SAMD5: variants seen among roughly 807,000 people sequenced by gnomAD.
The protein encoded by SAMD5 is sterile alpha motif domain containing 5, also known as sterile alpha motif domain-containing protein 5.
In SAMD5, 13 loss-of-function variants were observed where a neutral mutation model predicts 11.3. The ratio of observed to expected loss-of-function variants is 1.15; its 90% CI spans 0.75 to 1.83. The LOEUF is 1.83. Ranked by LOEUF, SAMD5 falls within the 40% of genes most tolerant of loss-of-function variation. SAMD5 has a pLI of 0.00. For missense variants in SAMD5, 255 were observed against 239.1 expected (o/e 1.07, Z -0.44); for synonymous variants, 129 against 111.3 (o/e 1.16, Z -1.00).
At chr6:147,623,461 A>C (rs1283877952) in intron 1 of SAMD5, among the ~76,000 whole-genome samples, 1 of 152,274 alleles carries the variant, frequency 6.6e-6, no homozygotes, top group Non-Finnish European at 1.5e-5. Context: ...AACACATATT[A>C]CACTAACATT....
At chr6:147,698,866 A>G (rs2128457607) in intron 1 of SAMD5, among the ~76,000 whole-genome samples, 1 of 152,172 alleles carries the variant, frequency 6.6e-6, no homozygotes, top group African/African-American at 2.4e-5. Context: ...CTGAGAATGG[A>G]AGAACGGGGA....
Position 147,735,405 on chromosome 6 carries a change from C to T in SAMD5, c.163-1912C>T, listed in dbSNP as rs559710993. On this transcript the variant is annotated intron_variant, in intron 1 of 1. Transcript: ENST00000566741. ...GATGCCTGATTCCTATTACTGCTCA[C>T]TGTAATAGAACTATGGTAGTCTGAG... 3.9e-5 allele frequency among the ~76,000 whole-genome samples: 6 copies of T among 152,268 alleles called. No individual in the cohort carries two copies. The South Asian group carries it at 1.2e-3, about 32-fold the overall frequency.
In SAMD5 at chr6:147,564,415, G is replaced by A. The variant is rs1238342067; in HGVS notation, c.481G>A (p.Glu161Lys). 8 of 780,826 alleles carry A rather than the reference G, an allele frequency of 1.0e-5. No homozygotes were observed. Among genetic ancestry groups the A allele is most frequent in the African/African-American group, 1.7e-5 (1 of 59,118 alleles). The allele number at this position is 780,826 out of a possible 1,614,324, so 48.4% of individuals were successfully genotyped here. A position where few individuals can be genotyped will look rare whatever the true frequency, so the allele number is the denominator to read the frequency against. The change falls in exon 2 of 2, where the codon GAG becomes AAG. Residue 161 changes from glutamate to lysine, a missense_variant. Physicochemically the swap from Glu to Lys is moderately conservative, Grantham distance 56. Transcript: ENST00000367474. ...ACAGGTCCCAATGGCTGGCATCCTA[G>A]AGTACTTAATGAATTGGCCGAAGTC... ...SRKVPMAGIL[E>K]YLMNWPKSSQ...
the SAMD5 span, among the ~76,000 whole-genome samples, chr6:147,897,499 A>G: frequency 6.6e-6 from 1 of 152,282 alleles, no homozygotes; most frequent in East Asian, 1.9e-4. Flanking sequence ...AAGACTGGAA[A>G]TCATGGTGTG....
At chr6:147,790,381 C>G in the SAMD5 span, among the ~76,000 whole-genome samples, 1,330 of 152,306 alleles carry the variant, frequency 8.7e-3, 14 homozygotes, top group African/African-American at 0.029. Flanking sequence ...AAACCTCTCA[C>G]GTCTAAGTCC....
the SAMD5 span, among the ~76,000 whole-genome samples, chr6:147,776,767 A>G: frequency 6.6e-6 from 1 of 152,202 alleles, no homozygotes. Flanking sequence ...GAGAACAAAC[A>G]GTTTTTCAGA....
downstream of SAMD5, among the ~76,000 whole-genome samples, chr6:147,737,999 A>T (rs1344350433): frequency 6.6e-6 from 1 of 152,254 alleles, no homozygotes; most frequent in South Asian, 2.1e-4. Flanking sequence ...TTGAGATTTT[A>T]TTATTGTAAC....
At chr6:147,558,030 AAT>A (rs1208855067) in intron 1 of SAMD5, among the ~76,000 whole-genome samples, 3 of 152,192 alleles carry the variant, frequency 2.0e-5, no homozygotes, top group Non-Finnish European at 4.4e-5. Context: ...TCACTCAGTA[AAT>A]ATTAGCAGCC....
chr6:147,696,615 A>G (rs141989900), intron 1 of SAMD5, among the ~76,000 whole-genome samples: 482 of 152,284 alleles, frequency 3.2e-3, no homozygotes, highest in African/African-American at 0.011. Context: ...GGAACCTTCA[A>G]AGCCCTAATA....
intron 1 of SAMD5, among the ~76,000 whole-genome samples, chr6:147,704,006 C>T (rs1260790177): frequency 6.6e-6 from 1 of 152,172 alleles, no homozygotes; most frequent in Non-Finnish European, 1.5e-5. Flanking sequence ...CGCCATTCTC[C>T]TGCCTCAGCC....
At chr6:147,550,422 G>T (rs952567720) in intron 1 of SAMD5, among the ~76,000 whole-genome samples, 17 of 152,054 alleles carry the variant, frequency 1.1e-4, no homozygotes, top group Non-Finnish European at 1.9e-4. Context: ...CAAAGGAAAA[G>T]AAATTATTAT....
At chr6:147,941,033 C>T in the SAMD5 span, among the ~76,000 whole-genome samples, 2 of 152,022 alleles carry the variant, frequency 1.3e-5, no homozygotes, top group Admixed American at 6.5e-5. Context: ...AACAGATGCT[C>T]AGTCAACTAC....
At chr6:147,838,533 C>G in the SAMD5 span, among the ~76,000 whole-genome samples, 4 of 132,904 alleles carry the variant, frequency 3.0e-5, no homozygotes, top group South Asian at 1.1e-3. Context: ...AATATCCTGC[C>G]CCCCCCCCGT....
chr6:147,856,042 T>C, the SAMD5 span, among the ~76,000 whole-genome samples: 1 of 152,106 alleles, frequency 6.6e-6, no homozygotes, highest in African/African-American at 2.4e-5. Flanking sequence ...CATCAAGAGA[T>C]GAATACATGA....
chr6:147,915,902 T>TC, the SAMD5 span, among the ~76,000 whole-genome samples: 1 of 80,366 alleles, frequency 1.2e-5, no homozygotes, highest in Non-Finnish European at 2.4e-5. Flanking sequence ...CCCTCCCCCC[T>TC]CCCCCCACCC....
At chr6:147,747,981 A>G in the SAMD5 span, among the ~76,000 whole-genome samples, 1 of 152,182 alleles carries the variant, frequency 6.6e-6, no homozygotes, top group African/African-American at 2.4e-5. Flanking sequence ...GGTGGGAACA[A>G]TTCTGGCCCT....
At chr6:147,545,482 C>T (rs1446743387) in intron 1 of SAMD5, among the ~76,000 whole-genome samples, 4 of 152,046 alleles carry the variant, frequency 2.6e-5, no homozygotes, top group African/African-American at 9.7e-5. Flanking sequence ...CAAGTTCTTG[C>T]AATAACTTGT....
chr6:147,599,717 GT>G (rs767057054), intron 1 of SAMD5, among the ~76,000 whole-genome samples: 7 of 152,118 alleles, frequency 4.6e-5, no homozygotes, highest in African/African-American at 7.2e-5. Flanking sequence ...GTCACAAGAG[GT>G]TTGTGAAATG....
At chr6:147,821,935 T>C in the SAMD5 span, among the ~76,000 whole-genome samples, 1 of 152,156 alleles carries the variant, frequency 6.6e-6, no homozygotes, top group Non-Finnish European at 1.5e-5. Context: ...GTCTAGATAT[T>C]TTTTCAGAAT....
Sources: allele counts gnomAD v4.1 joint callset (sites outside exome capture counted in the v4.1 genomes callset), GRCh38; gene constraint gnomAD v4.1.1; transcripts MANE v1.5; gene names NCBI Gene and HGNC (gene_info 2026-07-23, HGNC 2026-07-21).